The following ZNF135 variants were observed in gnomAD, a reference collection of about 807,000 sequenced individuals.
ZNF135 encodes the protein zinc finger protein 135, also known as zinc finger protein 135 (clone pHZ-17).
In ZNF135, 11 loss-of-function variants were observed where a neutral mutation model predicts 12.3. That is an observed-to-expected ratio of 0.89 (90% confidence interval 0.56 to 1.48). The LOEUF (loss-of-function observed/expected upper bound fraction) is 1.48, where lower values mean the gene tolerates loss of function less well. ZNF135 is among the 40% of genes most tolerant of loss of function. The pLI is 0.00. For missense variants in ZNF135, 722 were observed against 815.7 expected (o/e 0.89, Z 1.40); for synonymous variants, 316 against 312.0 (o/e 1.01, Z -0.14).
In ZNF135 at chr19:58,060,918, A is replaced by G. The variant is rs984157666; in HGVS notation, c.34-662A>G. Among the ~76,000 whole-genome samples, 4 of 152,154 alleles carry G rather than the reference A, an allele frequency of 2.6e-5. No individual in the cohort carries two copies. The highest frequency in any genetic ancestry group is 9.7e-5 in the African/African-American group (4 of 41,442). On this transcript the variant is annotated intron_variant, in intron 2 of 4. Coordinates refer to ENST00000313434, the MANE Select transcript of ZNF135 (RefSeq NM_001289401.2). The surrounding 1 kb of genome is among the most constrained non-coding windows in gnomAD (Gnocchi z 4.9). Reference sequence around the variant, plus strand: ...GAGGTGGGCGGATCACGAGGTCAGGAGATCGAGACCATCCTGGCGAACACG... The same window carrying G: ...GAGGTGGGCGGATCACGAGGTCAGGGGATCGAGACCATCCTGGCGAACACG...
In ZNF135 at chr19:58,067,636, C is replaced by T; in HGVS notation, c.1152C>T (p.Cys384=). 6.2e-7 allele frequency: 1 copy of T among 1,613,890 alleles called. No homozygotes were observed. The highest frequency in any genetic ancestry group is 8.5e-7 in the Non-Finnish European group (1 of 1,179,984). The change falls in exon 5 of 5, where the codon TGC becomes TGT. Residue 384 remains cysteine, a synonymous_variant. Transcript: ENST00000313434. ...RIHTGEKPYE[C]HECGKAFTQI... is the part of the protein sequence containing the mutation. ...ACACAGGGGAGAAGCCCTACGAGTG[C>T]CATGAGTGTGGAAAAGCCTTCACCC...
Position 58,061,121 on chromosome 19 carries a change from C to T in ZNF135, c.34-459C>T, listed in dbSNP as rs565380222. The stretch of plus-strand genomic sequence containing the variant: ...CTAGCCTGGGCGACAAAGCGAGACT[C>T]CGTCTCGGGGGAAAAAAAAAACCAC... On this transcript the variant is annotated intron_variant, in intron 2 of 4. Transcript: ENST00000313434. Among the ~76,000 whole-genome samples the T allele has an allele frequency of 9.8e-5, 9 of 91,632 alleles. No individual in the cohort carries two copies. In the South Asian group the frequency reaches 3.5e-3, roughly 36 times the overall value. The allele number at this position is 91,632 out of a possible 152,430, so 60.1% of individuals were successfully genotyped here. A position where few individuals can be genotyped will look rare whatever the true frequency, so the allele number is the denominator to read the frequency against.
At chr19:58,061,261 A>G (rs2073975781) in intron 2 of ZNF135, among the ~76,000 whole-genome samples, 1 of 152,238 alleles carries the variant, frequency 6.6e-6, no homozygotes, top group East Asian at 1.9e-4. Flanking sequence ...TGCTCAAGTG[A>G]TCCTCCCACC....
chr19:58,067,871 G>A lies in ZNF135; in HGVS notation c.1387G>A (p.Glu463Lys), dbSNP rs1381522413. ...LSQHERTHTG[E>K]KPYECSQCGK... ...CCAGCATGAGCGGACACACACAGGA[G>A]AGAAGCCCTATGAGTGCAGTCAGTG... Residue 463 changes from glutamate to lysine, a missense_variant, in exon 5 of 5, where the codon GAG becomes AAG. Glu to Lys is a moderately conservative substitution (Grantham distance 56, BLOSUM62 1). Coordinates refer to ENST00000313434, the MANE Select transcript of ZNF135 (RefSeq NM_001289401.2). 1 of 1,613,064 alleles carries A rather than the reference G, an allele frequency of 6.2e-7. No homozygotes were observed. The highest frequency in any genetic ancestry group is 8.5e-7 in the Non-Finnish European group (1 of 1,179,858).
intron 4 of ZNF135, among the ~76,000 whole-genome samples, chr19:58,066,184 A>G (rs2074062696): frequency 6.6e-6 from 1 of 152,188 alleles, no homozygotes; most frequent in Non-Finnish European, 1.5e-5. Context: ...AGTGATGTAC[A>G]TTGCAGCTAT....
rs1176967482 is a variant in ZNF135 at position 58,068,687 on chromosome 19, A to C, written c.*226A>C. On this transcript the variant is annotated 3_prime_UTR_variant, in exon 5 of 5. Transcript: ENST00000313434. Reference sequence around the variant, plus strand: ...GCATCCAAATAGTAGGGAAACGTGGAGATAATCAACACTCAGGACCTTCAG... The same window carrying C: ...GCATCCAAATAGTAGGGAAACGTGGCGATAATCAACACTCAGGACCTTCAG... 1.5e-5 allele frequency: 8 copies of C among 547,754 alleles called. No individual in the cohort carries two copies. Among genetic ancestry groups the C allele is most frequent in the Non-Finnish European group, 1.9e-5 (6 of 312,186 alleles). The allele number at this position is 547,754 out of a possible 1,614,324, so 33.9% of individuals were successfully genotyped here.
intron 4 of ZNF135, among the ~76,000 whole-genome samples, chr19:58,064,356 C>T (rs2074032474): frequency 6.6e-6 from 1 of 152,094 alleles, no homozygotes; most frequent in Admixed American, 6.6e-5. Flanking sequence ...CTGTGTGGGT[C>T]CATTTATACA....
chr19:58,062,261 C>G (rs1206793363), intron 3 of ZNF135, among the ~76,000 whole-genome samples: 1 of 152,168 alleles, frequency 6.6e-6, no homozygotes, highest in Admixed American at 6.5e-5. Context: ...GGCACTGATC[C>G]CATTCATGAG....
At chr19:58,061,435 A>G (rs1244407943) in intron 2 of ZNF135, 145 bp from the exon 3 acceptor site, 14 of 964,982 alleles carry the variant, frequency 1.5e-5, no homozygotes, top group Non-Finnish European at 1.8e-5. Context: ...CAGGGCACCC[A>G]TCCAGGCCCC....
At position 58,063,508 on chromosome 19, in the gene ZNF135, G is replaced by C. The variant is rs774248199; in HGVS notation, c.223G>C (p.Val75Leu). The C allele has an allele frequency of 6.2e-7, 1 of 1,614,148 alleles. No individual in the cohort carries two copies. The highest frequency in any genetic ancestry group is 1.1e-5 in the South Asian group (1 of 91,078). ...GGAGCAAGAGGCAGAGCTGTGGGCGGTGGAGTCTAGACTTCCCCAAGGCGT... is the reference window on the plus strand; with the variant it reads ...GGAGCAAGAGGCAGAGCTGTGGGCGCTGGAGTCTAGACTTCCCCAAGGCGT... ...LLEQEAELWAVESRLPQGVYP... is the reference protein window; with the variant it reads ...LLEQEAELWALESRLPQGVYP... The change falls in exon 4 of 5, where the codon GTG (valine) becomes CTG (leucine). Residue 75 changes from valine (V) to leucine (L), a missense_variant. Coordinates refer to ENST00000313434, the MANE Select transcript of ZNF135 (RefSeq NM_001289401.2). The surrounding 1 kb of genome is among the most constrained non-coding windows in gnomAD (Gnocchi z 4.4).
chr19:58,061,823 T>G, intron 3 of ZNF135, 117 bp downstream of exon 3: 1 of 1,346,962 alleles, frequency 7.4e-7, no homozygotes, highest in Non-Finnish European at 9.9e-7. Context: ...CTGTATGTCT[T>G]GGGCTTTAAG....
Position 58,067,432 on chromosome 19 carries a change from C to T in ZNF135, c.948C>T (p.His316=), listed in dbSNP as rs150374881. The T allele has an allele frequency of 4.5e-5, 72 of 1,613,990 alleles. No individual in the cohort carries two copies. The East Asian group carries it at 5.1e-4, about 11-fold the overall frequency. Residue 316 remains histidine, a synonymous_variant, in exon 5 of 5, where the codon CAC becomes CAT. Coordinates refer to ENST00000313434, the MANE Select transcript of ZNF135 (RefSeq NM_001289401.2). ...SFSFRSSFSQ[H]ERTHTGEKPY... ...GTTTTAGGTCCTCCTTCAGCCAGCA[C>T]GAGCGAACTCACACAGGCGAGAAGC...
chr19:58,067,111 A>G lies in ZNF135; in HGVS notation c.627A>G (p.Val209=), dbSNP rs949518629. The change falls in exon 5 of 5, where the codon GTA becomes GTG. Residue 209 remains valine (V), a synonymous_variant. Transcript: ENST00000313434. ...TAAATGTTTTACAGAAAACCTGTGTAAAAGAGAAACCCTACAAATGTCAGG... is the reference window on the plus strand; with the variant it reads ...TAAATGTTTTACAGAAAACCTGTGTGAAAGAGAAACCCTACAAATGTCAGG... ...PDLNVLQKTC[V]KEKPYKCQEC... The G allele has an allele frequency of 6.2e-7, 1 of 1,614,238 alleles. No individual in the cohort carries two copies. The highest frequency in any genetic ancestry group is 8.5e-7 in the Non-Finnish European group (1 of 1,180,042).
At position 58,060,855 on chromosome 19, in the gene ZNF135, G is replaced by T. The variant is rs1353099243; in HGVS notation, c.34-725G>T. Among the ~76,000 whole-genome samples the T allele has an allele frequency of 4.6e-5, 7 of 152,064 alleles. No individual in the cohort carries two copies. The highest frequency in any genetic ancestry group is 3.3e-4 in the Admixed American group (5 of 15,274). ...AACAAACCCAGATTTGGCCGGGCGCGGTGGCTCGCACCTGTAATCCCAGCA... is the reference window on the plus strand; with the variant it reads ...AACAAACCCAGATTTGGCCGGGCGCTGTGGCTCGCACCTGTAATCCCAGCA... On this transcript the variant is annotated intron_variant, in intron 2 of 4. Coordinates refer to ENST00000313434, the MANE Select transcript of ZNF135 (RefSeq NM_001289401.2). The surrounding 1 kb of genome is among the most constrained non-coding windows in gnomAD (Gnocchi z 4.9).
At position 58,067,159 on chromosome 19, in the gene ZNF135, C is replaced by G. The variant is rs747694614; in HGVS notation, c.675C>G (p.His225Gln). The G allele has an allele frequency of 6.2e-7, 1 of 1,614,212 alleles. No individual in the cohort carries two copies. Among genetic ancestry groups the G allele is most frequent in the Non-Finnish European group, 8.5e-7 (1 of 1,180,036 alleles). Residue 225 changes from histidine (H) to glutamine (Q), a missense_variant, in exon 5 of 5, where the codon CAC becomes CAG. His to Gln is a conservative substitution (Grantham distance 24). Transcript: ENST00000313434. ...AGGAATGCGGAAAGGCCTTTAGTCA[C>G]AGCTCAGCACTTATCGAACACCACC... is the stretch of plus-strand genomic sequence containing the variant. ...KCQECGKAFS[H>Q]SSALIEHHRT...
At position 58,065,377 on chromosome 19, in the gene ZNF135, G is replaced by A. The variant is rs1482936139; in HGVS notation, c.257-1364G>A. ...CCCAGCTAATTTTTTTTTATTTTTT[G>A]TAGAAACAAGGTCTCATCATTTTGC... On this transcript the variant is annotated intron_variant, in intron 4 of 4. Transcript: ENST00000313434. The surrounding 1 kb of genome is among the most constrained non-coding windows in gnomAD (Gnocchi z 4.0). Among the ~76,000 whole-genome samples, 1 of 151,774 alleles carries A rather than the reference G, an allele frequency of 6.6e-6. No homozygotes were observed.
rs2145929437 is a variant in ZNF135, at chr19:58,063,735, G to A, written c.256+194G>A. ...CACTGAATTTATATTCTTGGTGAGG[G>A]AGTGGGGGAAACAAACAATAAATCG... On this transcript the variant is annotated intron_variant, in intron 4 of 4. Coordinates refer to ENST00000313434, the MANE Select transcript of ZNF135 (RefSeq NM_001289401.2). The surrounding 1 kb of genome is among the most constrained non-coding windows in gnomAD (Gnocchi z 4.4). 2 of 1,357,432 alleles carry A rather than the reference G, an allele frequency of 1.5e-6. No homozygotes were observed. The highest frequency in any genetic ancestry group is 1.6e-5 in the South Asian group (1 of 62,688). The allele number at this position is 1,357,432 out of a possible 1,614,324, so 84.1% of individuals were successfully genotyped here.
Position 58,060,423 on chromosome 19 carries a change from G to C in ZNF135, c.33+388G>C. ...GGTCAGCGGGCACGGGTCCCTGTCTGAGTGGGCTTTATGTTTGTGCGGCCG... is the reference window on the plus strand; with the variant it reads ...GGTCAGCGGGCACGGGTCCCTGTCTCAGTGGGCTTTATGTTTGTGCGGCCG... On this transcript the variant is annotated intron_variant, in intron 2 of 4. Coordinates refer to ENST00000313434, the MANE Select transcript of ZNF135 (RefSeq NM_001289401.2). This position sits in a 1 kb window ranked among gnomAD's most constrained non-coding sequence, Gnocchi z 4.9. 8.6e-7 allele frequency: 1 copy of C among 1,161,544 alleles called. No individual in the cohort carries two copies. Among genetic ancestry groups the C allele is most frequent in the African/African-American group, 1.6e-5 (1 of 62,094 alleles). The allele number at this position is 1,161,544 out of a possible 1,614,324, so 72.0% of individuals were successfully genotyped here. A position where few individuals can be genotyped will look rare whatever the true frequency, so the allele number is the denominator to read the frequency against.
chr19:58,059,501 G>T lies in ZNF135; in HGVS notation c.-35+191G>T, dbSNP rs2073929665. ...GGGGCTGGCGGGGGCAGGCTTTGCGGGGCATCCCTAGTCTGAGAGGAGGGC... is the reference window on the plus strand; with the variant it reads ...GGGGCTGGCGGGGGCAGGCTTTGCGTGGCATCCCTAGTCTGAGAGGAGGGC... On this transcript the variant is annotated intron_variant, in intron 1 of 4. Transcript: ENST00000313434. This position sits in a 1 kb window ranked among gnomAD's most constrained non-coding sequence, Gnocchi z 6.5. Among the ~76,000 whole-genome samples, 2 of 152,244 alleles carry T rather than the reference G, an allele frequency of 1.3e-5. No individual in the cohort carries two copies. The highest frequency in any genetic ancestry group is 4.1e-4 in the South Asian group (2 of 4,826).
Sources: allele counts gnomAD v4.1 joint callset (sites outside exome capture counted in the v4.1 genomes callset), GRCh38; gene constraint gnomAD v4.1.1; non-coding constraint Gnocchi (gnomAD v3.1); transcripts MANE v1.5; gene names NCBI Gene and HGNC (gene_info 2026-07-23, HGNC 2026-07-21).